PRKG2: variants seen among roughly 807,000 people sequenced by gnomAD.
The protein encoded by PRKG2 is cGMP-dependent protein kinase 2.
A neutral mutation model predicts 97.2 loss-of-function variants in PRKG2; 33 were observed. The ratio of observed to expected loss-of-function variants is 0.34; its 90% CI spans 0.26 to 0.45. The LOEUF is 0.45. PRKG2 is among the 20% of genes least tolerant of loss of function. PRKG2 has a pLI of 1.00. For missense variants in PRKG2, 638 were observed against 900.0 expected (o/e 0.71, Z 3.73); for synonymous variants, 330 against 321.8 (o/e 1.03, Z -0.27).
chr4:81,103,399 G>A (rs914626362), intron 17 of PRKG2, among the ~76,000 whole-genome samples: 2 of 151,374 alleles, frequency 1.3e-5, no homozygotes, highest in African/African-American at 4.9e-5. Flanking sequence ...AAAAGTACAT[G>A]TCAGATTACT....
chr4:81,164,325 T>C (rs1297174546), intron 6 of PRKG2, among the ~76,000 whole-genome samples: 2 of 152,132 alleles, frequency 1.3e-5, no homozygotes, highest in Non-Finnish European at 2.9e-5. Flanking sequence ...CTCCAGACTT[T>C]GGACTAGTGA....
chr4:81,108,984 T>C (rs941433086), intron 15 of PRKG2, among the ~76,000 whole-genome samples: 2 of 152,148 alleles, frequency 1.3e-5, no homozygotes, highest in African/African-American at 4.8e-5. Flanking sequence ...GACATACATA[T>C]CTGATTACCT....
chr4:81,087,653 G>A lies in PRKG2; in HGVS notation c.*2055C>T, dbSNP rs1741227711. The A allele has an allele frequency of 6.6e-6, 1 of 152,094 alleles. No individual in the cohort carries two copies. Among genetic ancestry groups the A allele is most frequent in the Admixed American group, 6.5e-5 (1 of 15,270 alleles). 9.4% of individuals were successfully genotyped at this position (152,094 alleles called of 1,614,324 possible). A position where few individuals can be genotyped will look rare whatever the true frequency, so the allele number is the denominator to read the frequency against. ...CTTTACTCTGCCTTTTTCTATGAAT[G>A]AGAAAGCTAGTACTCAAAAAAGCTA... On this transcript the variant is annotated 3_prime_UTR_variant, in exon 19 of 19. Transcript: ENST00000264399.
At chr4:81,133,030 T>C (rs1746330127) in intron 14 of PRKG2, among the ~76,000 whole-genome samples, 1 of 152,168 alleles carries the variant, frequency 6.6e-6, no homozygotes, top group African/African-American at 2.4e-5. Context: ...TTAGATCCAG[T>C]AGTTCTTTGT....
rs147106617 is a variant in PRKG2 at position 81,097,907 on chromosome 4, T to C, written c.2127-5455A>G. 2.0e-3 allele frequency among the ~76,000 whole-genome samples: 302 copies of C among 152,324 alleles called. 1 individual carries two copies. Among genetic ancestry groups the C allele is most frequent in the African/African-American group, 6.9e-3 (287 of 41,576 alleles). Reference sequence around the variant, plus strand: ...AATGTTGTGTCTGGTTTGATCTCTGTAAAGACTACTAAAATTTGTTCCATA... The same window carrying C: ...AATGTTGTGTCTGGTTTGATCTCTGCAAAGACTACTAAAATTTGTTCCATA... On this transcript the variant is annotated intron_variant, in intron 17 of 18. Coordinates refer to ENST00000264399, the MANE Select transcript of PRKG2 (RefSeq NM_006259.3).
At chr4:81,197,377 C>T (rs1238389531) in intron 2 of PRKG2, among the ~76,000 whole-genome samples, 1 of 152,174 alleles carries the variant, frequency 6.6e-6, no homozygotes, top group African/African-American at 2.4e-5. Flanking sequence ...TTGTTAAAAG[C>T]CAGCACTGCT....
intron 2 of PRKG2, chr4:81,192,039 A>T (rs1752568120): frequency 6.6e-6 from 1 of 152,198 alleles, no homozygotes. Flanking sequence ...ATTATTCATA[A>T]ATGCTAAATA....
intron 2 of PRKG2, chr4:81,176,141 T>C (rs1445400604): frequency 6.6e-6 from 1 of 152,140 alleles, no homozygotes; most frequent in Non-Finnish European, 1.5e-5. Flanking sequence ...AAATTTCTTC[T>C]TCCCTACAGT....
At chr4:81,155,053 C>A (rs1490342314) in intron 6 of PRKG2, among the ~76,000 whole-genome samples, 1 of 150,276 alleles carries the variant, frequency 6.7e-6, no homozygotes, top group African/African-American at 2.5e-5. Context: ...TGGCGGGCGC[C>A]TGTAGTCCCA....
At chr4:81,128,254 C>T (rs1448127656) in intron 14 of PRKG2, among the ~76,000 whole-genome samples, 25 of 152,108 alleles carry the variant, frequency 1.6e-4, no homozygotes, top group Admixed American at 6.5e-5. Flanking sequence ...TGAAGATTTT[C>T]ACATCGATGT....
intron 6 of PRKG2, among the ~76,000 whole-genome samples, chr4:81,154,504 G>A (rs887686727): frequency 1.8e-4 from 22 of 125,288 alleles, no homozygotes; most frequent in Non-Finnish European, 6.0e-5. Context: ...CCCCAGCAGG[G>A]GCACACTGAC....
At chr4:81,103,903 T>G (rs977561527) in intron 17 of PRKG2, among the ~76,000 whole-genome samples, 2 of 152,036 alleles carry the variant, frequency 1.3e-5, no homozygotes, top group Admixed American at 1.3e-4. Flanking sequence ...TGGTGGCAGG[T>G]GCCTGTAATC....
At chr4:81,130,845 G>A (rs760358009) in intron 14 of PRKG2, among the ~76,000 whole-genome samples, 29 of 152,100 alleles carry the variant, frequency 1.9e-4, no homozygotes, top group Admixed American at 9.2e-4. Context: ...CACCAAGCTC[G>A]AGCATCCCAG....
At chr4:81,143,719 TA>T (rs1053645169) in intron 10 of PRKG2, among the ~76,000 whole-genome samples, 2 of 152,142 alleles carry the variant, frequency 1.3e-5, no homozygotes, top group Admixed American at 6.6e-5. Context: ...GCATTCACTC[TA>T]AAAAAATGTT....
intron 4 of PRKG2, 105 bp downstream of exon 4, chr4:81,171,586 G>A (rs1560600677): frequency 1.3e-6 from 1 of 780,004 alleles, no homozygotes; most frequent in East Asian, 2.7e-5. Flanking sequence ...AACATATAGG[G>A]TAAAATGGGA....
At chr4:81,208,035 G>A (rs1356580284) in intron 1 of PRKG2, among the ~76,000 whole-genome samples, 3 of 152,166 alleles carry the variant, frequency 2.0e-5, no homozygotes, top group Non-Finnish European at 4.4e-5. Flanking sequence ...TACAGTCAGA[G>A]GGCAGCACAT....
At chr4:81,104,995 A>T (rs1467899636) in intron 16 of PRKG2, among the ~76,000 whole-genome samples, 1 of 152,154 alleles carries the variant, frequency 6.6e-6, no homozygotes, top group African/African-American at 2.4e-5. Context: ...AGCACTTTTT[A>T]AAAAATGAAG....
rs557595366 is a variant in PRKG2 at position 81,142,984 on chromosome 4, C to T, written c.1254-37G>A. 7 of 1,553,340 alleles carry T rather than the reference C, an allele frequency of 4.5e-6. No individual in the cohort carries two copies. The South Asian group carries it at 8.6e-5, about 19-fold the overall frequency. ...AAGTGAAACTTTACACACACACACC[C>T]ATAATTAAGAAGGTGTCATGCCATA... On this transcript the variant is annotated intron_variant, in intron 10 of 18. Transcript: ENST00000264399.
Position 81,142,876 on chromosome 4 carries a change from G to C in PRKG2, c.1325C>G (p.Ala442Gly). 1 of 1,613,160 alleles carries C rather than the reference G, an allele frequency of 6.2e-7. No homozygotes were observed. Among genetic ancestry groups the C allele is most frequent in the Non-Finnish European group, 8.5e-7 (1 of 1,179,408 alleles). Residue 442 changes from alanine to glycine, a missense_variant, in exon 11 of 19, where the codon GCC becomes GGC. Ala to Gly is a moderately conservative substitution (Grantham distance 60). Around this residue, in one of 3 missense-constraint regions of PRKG2, gnomAD observed 304 missense variants for 460.5 expected, o/e 0.66. Transcript: ENST00000264399. ...GAATGGGGATGATGAGGAAAATCTG[G>C]CCACCTTCTCCTTCAGCTGAATCAT... ...LEMIQLKEKV[A>G]RFSSSSPFQN...
Sources: allele counts gnomAD v4.1 joint callset (sites outside exome capture counted in the v4.1 genomes callset), GRCh38; gene constraint gnomAD v4.1.1; regional missense constraint gnomAD v4.1.1; transcripts MANE v1.5; gene names NCBI Gene and HGNC (gene_info 2026-07-23, HGNC 2026-07-21).